BICRAL: variants seen among roughly 807,000 people sequenced by gnomAD.
The protein encoded by BICRAL is BICRA like chromatin remodeling complex associated protein.
In BICRAL, 8 loss-of-function variants were observed where a neutral mutation model predicts 91.8. The observed-to-expected ratio is 0.09, with a 90% confidence interval of 0.05 to 0.16. BICRAL has a LOEUF of 0.16. BICRAL is among the 10% of genes least tolerant of loss of function. BICRAL has a pLI of 1.00. For synonymous variants in BICRAL, 445 were observed against 491.1 expected (o/e 0.91, Z 1.24); for missense variants, 1,038 against 1,310.9 (o/e 0.79, Z 3.21).
intron 8 of BICRAL, among the ~76,000 whole-genome samples, 199 bp from the exon 9 acceptor site, chr6:42,855,657 A>G (rs568481652): frequency 3.3e-5 from 5 of 151,996 alleles, no homozygotes; most frequent in Non-Finnish European, 7.4e-5. Context: ...CCTTTCTGTA[A>G]TCTTAACACA....
chr6:42,853,534 G>A (rs1213192651), intron 7 of BICRAL, 104 bp from the exon 8 acceptor site: 14 of 780,600 alleles, frequency 1.8e-5, no homozygotes, highest in Middle Eastern at 2.6e-4. Context: ...AAAGAAACCC[G>A]TTTCAGAATG....
At chr6:42,835,468 C>G (rs1174391544) in intron 6 of BICRAL, among the ~76,000 whole-genome samples, 1 of 151,902 alleles carries the variant, frequency 6.6e-6, no homozygotes, top group African/African-American at 2.4e-5. Context: ...CCAGCTCCAC[C>G]ATGTTTATTT....
Position 42,829,687 on chromosome 6 carries a change from C to T in BICRAL, c.1354C>T (p.Leu452Phe). Reference sequence around the variant, plus strand: ...GTTGAACAGAAACTCTTCCAACATGCTCAGGACCAACCAACCATATACTGG... The same window carrying T: ...GTTGAACAGAAACTCTTCCAACATGTTCAGGACCAACCAACCATATACTGG... Reference protein sequence around the residue: ...VMLNRNSSNMLRTNQPYTGPM... With the variant: ...VMLNRNSSNMFRTNQPYTGPM... The change falls in exon 6 of 13, where the codon CTC (leucine) becomes TTC (phenylalanine). Residue 452 changes from leucine (L) to phenylalanine (F), a missense_variant. By Grantham distance (22) the Leu-to-Phe change is conservative. Transcript: ENST00000314073. The T allele has an allele frequency of 6.2e-7, 1 of 1,614,192 alleles. No homozygotes were observed. The highest frequency in any genetic ancestry group is 8.5e-7 in the Non-Finnish European group (1 of 1,180,050).
At chr6:42,790,310 C>T (rs1279869158) in intron 1 of BICRAL, among the ~76,000 whole-genome samples, 3 of 150,354 alleles carry the variant, frequency 2.0e-5, no homozygotes, top group Non-Finnish European at 3.0e-5. Flanking sequence ...AGAAATGCAA[C>T]ACCATGCCCA....
intron 1 of BICRAL, among the ~76,000 whole-genome samples, chr6:42,789,142 C>T (rs1253679476): frequency 2.0e-5 from 3 of 152,008 alleles, no homozygotes; most frequent in South Asian, 2.1e-4. Context: ...AGTTAATGGG[C>T]GCAGAGTTTC....
intron 10 of BICRAL, among the ~76,000 whole-genome samples, chr6:42,859,942 G>T (rs1044905805): frequency 7.2e-5 from 11 of 152,206 alleles, no homozygotes; most frequent in African/African-American, 2.6e-4. Flanking sequence ...ACCGTGCCCG[G>T]CCTACTCATT....
intron 1 of BICRAL, among the ~76,000 whole-genome samples, chr6:42,793,752 C>T (rs1294238978): frequency 4.0e-5 from 6 of 148,352 alleles, no homozygotes; most frequent in Non-Finnish European, 7.5e-5. Context: ...ATGCGTAGGC[C>T]TCAAGATGAC....
chr6:42,813,874 A>C (rs1763906047), intron 2 of BICRAL, among the ~76,000 whole-genome samples: 1 of 152,128 alleles, frequency 6.6e-6, no homozygotes. Flanking sequence ...AAAGACCTGC[A>C]CTACAAAAAA....
chr6:42,785,562 C>CA lies in BICRAL; in HGVS notation c.-102+3475dup, dbSNP rs5875817. Among the ~76,000 whole-genome samples the CA allele has an allele frequency of 5.8e-3, 733 of 126,800 alleles. 9 individuals are homozygous for CA. Among genetic ancestry groups the CA allele is most frequent in the African/African-American group, 0.011 (385 of 35,088 alleles). 83.2% of individuals were successfully genotyped at this position (126,800 alleles called of 152,430 possible). ...GGAAACAAGAACGAAACTCCCATCT[C>CA]AAAAAAAAAAAAAAGAATTGAATCC... On this transcript the variant is annotated intron_variant, in intron 1 of 12. Coordinates refer to ENST00000314073, the MANE Select transcript of BICRAL (RefSeq NM_001393499.1).
intron 10 of BICRAL, among the ~76,000 whole-genome samples, chr6:42,858,470 C>T (rs1303014801): frequency 4.1e-5 from 6 of 145,064 alleles, no homozygotes; most frequent in Non-Finnish European, 8.9e-5. Flanking sequence ...GAGCGGACAT[C>T]GCACCACTGC....
At position 42,812,946 on chromosome 6, in the gene BICRAL, G is replaced by A. The variant is rs188400451; in HGVS notation, c.-6+2545G>A. Among the ~76,000 whole-genome samples the A allele has an allele frequency of 7.1e-3, 1,086 of 152,230 alleles. 5 individuals are homozygous for A. The highest frequency in any genetic ancestry group is 0.023 in the African/African-American group (958 of 41,554). The stretch of plus-strand genomic sequence containing the variant: ...GCTACTCAAGAGGCTGAGGTGGGAG[G>A]ATCACCTGAGCCCAGGAGGTCGAGG... On this transcript the variant is annotated intron_variant, in intron 2 of 12. Transcript: ENST00000314073.
At chr6:42,795,524 ATATAAT>A (rs1173895040) in intron 1 of BICRAL, among the ~76,000 whole-genome samples, 2 of 152,172 alleles carry the variant, frequency 1.3e-5, no homozygotes, top group African/African-American at 2.4e-5. Flanking sequence ...AATTCCCAAG[ATATAAT>A]TATTATTTAA....
In BICRAL at chr6:42,864,795, C is replaced by A; in HGVS notation, c.2589C>A (p.Asp863Glu). 6.2e-7 allele frequency: 1 copy of A among 1,614,162 alleles called. No homozygotes were observed. The highest frequency in any genetic ancestry group is 2.2e-5 in the East Asian group (1 of 44,870). The change falls in exon 13 of 13, where the codon GAC becomes GAA. Residue 863 changes from aspartate (D) to glutamate (E), a missense_variant. By Grantham distance (45) the Asp-to-Glu change is conservative (BLOSUM62 2). Transcript: ENST00000314073. ...CGCCAGCCAAGGCCCAAGGCAGAGACCGAGCCAAAACCGGTGTGACGGAAC... is the reference window on the plus strand; with the variant it reads ...CGCCAGCCAAGGCCCAAGGCAGAGAACGAGCCAAAACCGGTGTGACGGAAC... The part of the protein sequence containing the change: ...LQPPAKAQGR[D>E]RAKTGVTEPM...
intron 1 of BICRAL, among the ~76,000 whole-genome samples, chr6:42,800,767 G>A (rs1187293873): frequency 6.6e-6 from 1 of 151,936 alleles, no homozygotes; most frequent in Non-Finnish European, 1.5e-5. Context: ...AATCCTCAGT[G>A]TATCTTCCTT....
intron 1 of BICRAL, among the ~76,000 whole-genome samples, chr6:42,796,279 T>C (rs1763411175): frequency 6.6e-6 from 1 of 152,180 alleles, no homozygotes; most frequent in Non-Finnish European, 1.5e-5. Flanking sequence ...CATGATTGTC[T>C]TTGAGCAGAG....
At position 42,822,973 on chromosome 6, in the gene BICRAL, CAATTCA is replaced by C. The variant is rs748362046; in HGVS notation, c.137_142del (p.Asn46_Ser47del). 26 of 1,610,576 alleles carry C rather than the reference CAATTCA, an allele frequency of 1.6e-5. No individual in the cohort carries two copies. Among genetic ancestry groups the C allele is most frequent in the Non-Finnish European group, 2.2e-5 (26 of 1,177,042 alleles). Reference sequence around the variant, plus strand: ...TGACTAATGCAGGATATTCTGCAGCCAATTCAAATTCAATTTTCGCCAACTCTAGTG... The same window carrying C: ...TGACTAATGCAGGATATTCTGCAGCCAATTCAATTTTCGCCAACTCTAGTG... On this transcript the variant is annotated inframe_deletion, in exon 5 of 13. Transcript: ENST00000314073.
In BICRAL at chr6:42,825,293, G is replaced by A. The variant is rs563483928; in HGVS notation, c.159+2290G>A. ...AAAAAAAAAAAAATTGGCTGGGCGC[G>A]GTGGCTCACGCCTGTAATCCCAGCA... On this transcript the variant is annotated intron_variant, in intron 5 of 12. Transcript: ENST00000314073. 9.0e-4 allele frequency among the ~76,000 whole-genome samples: 128 copies of A among 142,080 alleles called. 4 individuals are homozygous for A. The South Asian group carries it at 0.026, about 29-fold the overall frequency. 93.2% of individuals were successfully genotyped at this position (142,080 alleles called of 152,430 possible).
chr6:42,859,881 G>A (rs1293007153), intron 10 of BICRAL, among the ~76,000 whole-genome samples: 2 of 151,904 alleles, frequency 1.3e-5, no homozygotes, highest in South Asian at 2.1e-4. Context: ...TCCTGACCTC[G>A]TGATCCGCCC....
chr6:42,764,335 T>C (rs1466939584), intron 1 of BICRAL, among the ~76,000 whole-genome samples: 2 of 151,412 alleles, frequency 1.3e-5, no homozygotes, highest in Non-Finnish European at 2.9e-5. Flanking sequence ...GAGGATTGCT[T>C]GAGCCTAGGA....
Sources: allele counts gnomAD v4.1 joint callset (sites outside exome capture counted in the v4.1 genomes callset), GRCh38; gene constraint gnomAD v4.1.1; transcripts MANE v1.5; gene names NCBI Gene and HGNC (gene_info 2026-07-23, HGNC 2026-07-21).